Variants in RGS6 observed in about 807,000 individuals in gnomAD.
The protein encoded by RGS6 is regulator of G-protein signaling 6.
RGS6 carries 30 observed loss-of-function variants against 78.5 expected under a neutral mutation model. The ratio of observed to expected loss-of-function variants is 0.38; its 90% confidence interval spans 0.29 to 0.52. RGS6 has a LOEUF of 0.52. Ranked by LOEUF, RGS6 falls within the 20% of genes least tolerant of loss-of-function variation. The pLI, the probability that RGS6 is intolerant of heterozygous loss-of-function variation, is 0.85. For missense variants in RGS6, 495 were observed against 609.7 expected (o/e 0.81, Z 1.98); for synonymous variants, 206 against 206.0 (o/e 1.00, Z 0.00).
chr14:72,605,504 A>C, the RGS6 span, among the ~76,000 whole-genome samples: 5 of 152,300 alleles, frequency 3.3e-5, no homozygotes, highest in African/African-American at 1.2e-4. Context: ...TAACCCACCC[A>C]CCTTGGGGAC....
chr14:72,363,444 G>A (rs2081892922), intron 3 of RGS6, among the ~76,000 whole-genome samples: 1 of 152,210 alleles, frequency 6.6e-6, no homozygotes, highest in South Asian at 2.1e-4. Flanking sequence ...TCTCTACCAA[G>A]TAATGGAGGA....
At chr14:72,334,879 C>G (rs1254176054) in intron 2 of RGS6, among the ~76,000 whole-genome samples, 1 of 152,146 alleles carries the variant, frequency 6.6e-6, no homozygotes, top group Non-Finnish European at 1.5e-5. Context: ...CCACATGCTT[C>G]TACCTGCTGC....
chr14:72,291,265 C>T (rs764047971), intron 2 of RGS6, among the ~76,000 whole-genome samples: 22 of 151,936 alleles, frequency 1.4e-4, no homozygotes, highest in Admixed American at 6.6e-5. Context: ...GTTATATGTC[C>T]CTCAAATACC....
intron 2 of RGS6, among the ~76,000 whole-genome samples, chr14:71,976,009 C>G (rs148980656): frequency 1.7e-4 from 26 of 152,054 alleles, no homozygotes; most frequent in Admixed American, 8.5e-4. Flanking sequence ...AAAGTCATCC[C>G]ATTGAATTTG....
chr14:72,076,758 T>C (rs1213935672), intron 2 of RGS6, among the ~76,000 whole-genome samples: 2 of 151,988 alleles, frequency 1.3e-5, no homozygotes, highest in African/African-American at 2.4e-5. Context: ...TTCAGACTCC[T>C]TGGGCTCAAG....
intron 2 of RGS6, among the ~76,000 whole-genome samples, chr14:72,047,677 C>T (rs957831008): frequency 4.6e-5 from 7 of 152,062 alleles, no homozygotes; most frequent in East Asian, 1.9e-4. Context: ...TATCCAAATG[C>T]GATATTTGAC....
chr14:72,118,165 A>G (rs562971796), intron 2 of RGS6, among the ~76,000 whole-genome samples: 26 of 152,068 alleles, frequency 1.7e-4, no homozygotes, highest in African/African-American at 6.0e-4. Flanking sequence ...ATTTAAAAAA[A>G]AAAACAACAA....
intron 2 of RGS6, among the ~76,000 whole-genome samples, chr14:72,335,101 C>T (rs2075793962): frequency 6.6e-6 from 1 of 152,160 alleles, no homozygotes; most frequent in Non-Finnish European, 1.5e-5. Context: ...TCTTGCCTGC[C>T]ACCATGTGAC....
At chr14:72,499,964 T>C (rs1048336472) in intron 13 of RGS6, among the ~76,000 whole-genome samples, 1 of 152,246 alleles carries the variant, frequency 6.6e-6, no homozygotes, top group Non-Finnish European at 1.5e-5. Flanking sequence ...GGAGGGAGGA[T>C]GGATGAACAA....
intron 3 of RGS6, among the ~76,000 whole-genome samples, chr14:72,370,891 A>G (rs1294553299): frequency 6.6e-6 from 1 of 152,230 alleles, no homozygotes; most frequent in African/African-American, 2.4e-5. Context: ...TTCGGTGAAT[A>G]AAGTCTGTAA....
intron 2 of RGS6, among the ~76,000 whole-genome samples, chr14:72,191,352 C>A (rs2097323166): frequency 6.6e-6 from 1 of 152,200 alleles, no homozygotes; most frequent in Non-Finnish European, 1.5e-5. Flanking sequence ...CACGGCCAGG[C>A]CTCAGTGCAC....
the RGS6 span, among the ~76,000 whole-genome samples, chr14:72,576,768 A>C: frequency 6.6e-6 from 1 of 152,180 alleles, no homozygotes; most frequent in East Asian, 1.9e-4. Flanking sequence ...CCAGTCTCTC[A>C]GTGCTTCTAA....
intron 2 of RGS6, among the ~76,000 whole-genome samples, chr14:72,158,078 C>T (rs978554774): frequency 6.6e-6 from 1 of 152,040 alleles, no homozygotes; most frequent in Non-Finnish European, 1.5e-5. Context: ...TATCAGTTTG[C>T]GAGAGTTGCC....
chr14:72,416,330 G>A (rs2093807652), intron 3 of RGS6, among the ~76,000 whole-genome samples: 1 of 152,112 alleles, frequency 6.6e-6, no homozygotes, highest in South Asian at 2.1e-4. Flanking sequence ...CCTGACAAAA[G>A]TTAATAAAGA....
At chr14:72,047,397 C>A (rs577659926) in intron 2 of RGS6, among the ~76,000 whole-genome samples, 1 of 152,286 alleles carries the variant, frequency 6.6e-6, no homozygotes, top group Non-Finnish European at 1.5e-5. Flanking sequence ...GGTATTATCC[C>A]CCTTTTCCCG....
chr14:72,492,223 T>C (rs56134651), intron 12 of RGS6, among the ~76,000 whole-genome samples: 21,878 of 152,116 alleles, frequency 0.14, 1,631 homozygotes, highest in Admixed American at 0.19. Flanking sequence ...CCTTCAGAAA[T>C]GAAGACTCAA....
At chr14:72,628,224 A>G in the RGS6 span, among the ~76,000 whole-genome samples, 343 of 152,264 alleles carry the variant, frequency 2.3e-3, no homozygotes, top group African/African-American at 7.9e-3. Context: ...TGTTTTCCTC[A>G]TTAAATAAGA....
Position 72,365,418 on chromosome 14 carries a change from T to A in RGS6, c.184+13224T>A, listed in dbSNP as rs113891497. ...ACCAAGTGATACACAAAGATCAGAGTTGAAGAGATGTGATTTCGTCCACGA... is the reference window on the plus strand; with the variant it reads ...ACCAAGTGATACACAAAGATCAGAGATGAAGAGATGTGATTTCGTCCACGA... On this transcript the variant is annotated intron_variant, in intron 3 of 17. Coordinates refer to ENST00000553525, the MANE Select transcript of RGS6 (RefSeq NM_001204424.2). Among the ~76,000 whole-genome samples, 1,301 of 152,170 alleles carry A rather than the reference T, an allele frequency of 8.5e-3. 19 individuals are homozygous for A. The highest frequency in any genetic ancestry group is 0.03 in the African/African-American group (1,240 of 41,506).
At chr14:72,314,018 T>C (rs988455137) in intron 2 of RGS6, among the ~76,000 whole-genome samples, 2 of 152,254 alleles carry the variant, frequency 1.3e-5, no homozygotes, top group African/African-American at 2.4e-5. Context: ...ATATTTGTTA[T>C]GCATTATTTT....
Sources: allele counts gnomAD v4.1 joint callset (sites outside exome capture counted in the v4.1 genomes callset), GRCh38; gene constraint gnomAD v4.1.1; transcripts MANE v1.5; gene names NCBI Gene and HGNC (gene_info 2026-07-23, HGNC 2026-07-21).